The following TRPM3 variants were observed in gnomAD, a reference collection of about 807,000 sequenced individuals.
TRPM3 encodes transient receptor potential cation channel subfamily M member 3.
A neutral mutation model predicts 181.2 loss-of-function variants in TRPM3; 77 were observed. The observed-to-expected ratio is 0.42, with a 90% CI of 0.35 to 0.51. TRPM3 has a LOEUF of 0.51. Among genes scored for constraint, TRPM3 ranks in the 20% least tolerant of loss-of-function variants. The pLI, the probability that TRPM3 is intolerant of heterozygous loss-of-function variation, is 0.01. For missense variants in TRPM3, 1,759 were observed against 2,196.7 expected (o/e 0.80, Z 3.98); for synonymous variants, 745 against 796.4 (o/e 0.94, Z 1.09).
chr9:71,060,902 T>A (rs562126020), intron 1 of TRPM3, among the ~76,000 whole-genome samples: 1 of 152,198 alleles, frequency 6.6e-6, no homozygotes, highest in South Asian at 2.1e-4. Context: ...TTAAAATATA[T>A]TTAAAACATT....
At chr9:70,575,711 A>G (rs1588678094) in intron 22 of TRPM3, among the ~76,000 whole-genome samples, 1 of 152,336 alleles carries the variant, frequency 6.6e-6, no homozygotes. Context: ...CAAACTGTTA[A>G]GAATATACCA....
chr9:71,193,920 T>C (rs2078183040), intron 1 of TRPM3, among the ~76,000 whole-genome samples: 1 of 151,906 alleles, frequency 6.6e-6, no homozygotes, highest in Non-Finnish European at 1.5e-5. Context: ...AAAACACCAA[T>C]TAATGATCAC....
intron 6 of TRPM3, among the ~76,000 whole-genome samples, chr9:70,787,526 T>C (rs1258944482): frequency 6.8e-6 from 1 of 146,362 alleles, no homozygotes; most frequent in Non-Finnish European, 1.5e-5. Flanking sequence ...ATGTTAACAT[T>C]AAACCTTTCT....
At chr9:71,169,938 G>T (rs2076760424) in intron 1 of TRPM3, among the ~76,000 whole-genome samples, 2 of 147,324 alleles carry the variant, frequency 1.4e-5, no homozygotes, top group Admixed American at 6.9e-5. Flanking sequence ...GAAGGAAGAG[G>T]TTCAGTGAGC....
intron 1 of TRPM3, among the ~76,000 whole-genome samples, chr9:71,197,050 G>A (rs1051117114): frequency 9.2e-4 from 140 of 152,190 alleles, no homozygotes; most frequent in African/African-American, 3.2e-3. Context: ...TCCCCAGAGT[G>A]TGATGTTCCC....
At position 71,383,926 on chromosome 9, in the gene TRPM3, C is replaced by T. The variant is rs985652066; in HGVS notation, c.183+62727G>A. On this transcript the variant is annotated intron_variant, in intron 1 of 24. Transcript: ENST00000357533. ...AACACTAAAGGAATGATCCATTTTG[C>T]TAGTGCTTATAAGTTAGAGTTTTTT... 3.3e-5 allele frequency among the ~76,000 whole-genome samples: 5 copies of T among 152,130 alleles called. No individual in the cohort carries two copies. In the East Asian group the frequency reaches 9.6e-4, roughly 29 times the overall value.
At chr9:70,801,756 T>G (rs2089148582) in intron 6 of TRPM3, among the ~76,000 whole-genome samples, 1 of 152,044 alleles carries the variant, frequency 6.6e-6, no homozygotes, top group Non-Finnish European at 1.5e-5. Context: ...AAGGATCTAT[T>G]TGATTGCAAC....
intron 1 of TRPM3, among the ~76,000 whole-genome samples, chr9:71,143,397 T>C (rs2075234939): frequency 6.6e-6 from 1 of 152,100 alleles, no homozygotes; most frequent in Admixed American, 6.6e-5. Flanking sequence ...TGTCCATGTG[T>C]TTTCATCATT....
chr9:70,747,693 G>T (rs1240442976), intron 8 of TRPM3, among the ~76,000 whole-genome samples: 2 of 151,968 alleles, frequency 1.3e-5, no homozygotes, highest in Admixed American at 1.3e-4. Context: ...ACAAAGAACA[G>T]TATGTGACAG....
chr9:70,598,390 A>G (rs532475828), intron 21 of TRPM3, 29 bp downstream of exon 21: 5 of 1,607,710 alleles, frequency 3.1e-6, no homozygotes, highest in East Asian at 2.2e-5. Flanking sequence ...CTGAAAACTT[A>G]TAACATGGAA....
At chr9:71,130,295 A>G (rs2074290617) in intron 1 of TRPM3, among the ~76,000 whole-genome samples, 1 of 152,194 alleles carries the variant, frequency 6.6e-6, no homozygotes, top group Non-Finnish European at 1.5e-5. Flanking sequence ...CAGATACTCA[A>G]GTTTGGTATC....
At chr9:71,000,703 C>A (rs950948584) in intron 1 of TRPM3, among the ~76,000 whole-genome samples, 7 of 152,102 alleles carry the variant, frequency 4.6e-5, no homozygotes, top group African/African-American at 1.7e-4. Flanking sequence ...TAACCAAGAC[C>A]CTTCACATAG....
intron 1 of TRPM3, among the ~76,000 whole-genome samples, chr9:70,890,752 G>T (rs1191293433): frequency 6.6e-6 from 1 of 152,000 alleles, no homozygotes; most frequent in South Asian, 2.1e-4. Context: ...CATTTCATGG[G>T]ATGCTATTGG....
At chr9:70,888,140 G>A (rs1390137531) in intron 1 of TRPM3, among the ~76,000 whole-genome samples, 3 of 152,038 alleles carry the variant, frequency 2.0e-5, no homozygotes. Flanking sequence ...GAACCAAGAA[G>A]GCGTATTAAC....
chr9:70,878,143 A>T (rs1456279625), intron 1 of TRPM3, among the ~76,000 whole-genome samples: 2 of 152,064 alleles, frequency 1.3e-5, no homozygotes, highest in African/African-American at 4.8e-5. Flanking sequence ...TTGAAAGCGA[A>T]TTGTTATGAA....
chr9:71,140,660 T>C (rs1232542362), intron 1 of TRPM3, among the ~76,000 whole-genome samples: 1 of 152,204 alleles, frequency 6.6e-6, no homozygotes, highest in Non-Finnish European at 1.5e-5. Context: ...CATTCATTCA[T>C]TCATTCATGC....
chr9:71,226,620 G>C (rs2080675814), intron 1 of TRPM3, among the ~76,000 whole-genome samples: 1 of 151,240 alleles, frequency 6.6e-6, no homozygotes, highest in African/African-American at 2.5e-5. Context: ...CAGTTCAGCA[G>C]AGGATATGAT....
intron 1 of TRPM3, among the ~76,000 whole-genome samples, chr9:70,954,313 T>C (rs1468780511): frequency 1.3e-5 from 2 of 152,272 alleles, no homozygotes; most frequent in South Asian, 2.1e-4. Flanking sequence ...TCTTTGGTGG[T>C]GCAGTGAAAT....
chr9:71,050,707 C>A (rs759210490), intron 1 of TRPM3, among the ~76,000 whole-genome samples: 2 of 152,180 alleles, frequency 1.3e-5, no homozygotes, highest in South Asian at 4.1e-4. Flanking sequence ...TGGTGCACAC[C>A]CATTTTTCAG....
Sources: allele counts gnomAD v4.1 joint callset (sites outside exome capture counted in the v4.1 genomes callset), GRCh38; gene constraint gnomAD v4.1.1; transcripts MANE v1.5; gene names NCBI Gene and HGNC (gene_info 2026-07-23, HGNC 2026-07-21).